The following GMDS variants were observed in gnomAD, a reference collection of about 807,000 sequenced individuals.
The protein encoded by GMDS is GDP-mannose 4,6 dehydratase.
GMDS carries 20 observed loss-of-function variants against 49.9 expected under a neutral mutation model. That is an observed-to-expected ratio of 0.40 (90% CI 0.28 to 0.58). The LOEUF is 0.58. GMDS is among the 20% of genes least tolerant of loss of function. The pLI, the probability that GMDS is intolerant of heterozygous loss-of-function variation, is 0.42. For synonymous variants in GMDS, 177 were observed against 178.6 expected (o/e 0.99, Z 0.07); for missense variants, 362 against 481.4 (o/e 0.75, Z 2.32).
chr6:1,684,028 A>C (rs1764887173), intron 9 of GMDS, among the ~76,000 whole-genome samples: 1 of 66,930 alleles, frequency 1.5e-5, no homozygotes, highest in Non-Finnish European at 3.7e-5. Flanking sequence ...GGAGGCCTGG[A>C]TCCGCCCTCT....
intron 9 of GMDS, among the ~76,000 whole-genome samples, chr6:1,694,607 G>A (rs138056643): frequency 9.7e-4 from 148 of 152,244 alleles, no homozygotes; most frequent in Non-Finnish European, 1.7e-3. Context: ...ATACACACAC[G>A]TCTGCACACA....
intron 9 of GMDS, among the ~76,000 whole-genome samples, chr6:1,633,116 T>C (rs1763045042): frequency 6.6e-6 from 1 of 152,228 alleles, no homozygotes; most frequent in Non-Finnish European, 1.5e-5. Flanking sequence ...ATTGAGGCTA[T>C]TATTTATCAC....
At chr6:1,672,729 C>T (rs1203362868) in intron 9 of GMDS, among the ~76,000 whole-genome samples, 4 of 152,162 alleles carry the variant, frequency 2.6e-5, no homozygotes, top group Admixed American at 1.3e-4. Context: ...AATAGGTTTG[C>T]CAGAGAATCT....
At chr6:1,631,438 T>C (rs1762997068) in intron 9 of GMDS, among the ~76,000 whole-genome samples, 1 of 152,148 alleles carries the variant, frequency 6.6e-6, no homozygotes, top group African/African-American at 2.4e-5. Context: ...AAGGTAATTT[T>C]CCTTAAGCTT....
Position 2,151,483 on chromosome 6 carries a change from A to G in GMDS, c.103-26752T>C, listed in dbSNP as rs368008636. Among the ~76,000 whole-genome samples, 4 of 152,238 alleles carry G rather than the reference A, an allele frequency of 2.6e-5. No homozygotes were observed. In the East Asian group the frequency reaches 5.8e-4, roughly 22 times the overall value. Reference sequence around the variant, plus strand: ...AATATAGCCATTTGCTAGCTATGTAATCTGGTACAAGTAAGCTATATGTCT... The same window carrying G: ...AATATAGCCATTTGCTAGCTATGTAGTCTGGTACAAGTAAGCTATATGTCT... On this transcript the variant is annotated intron_variant, in intron 1 of 10. Transcript: ENST00000380815.
chr6:2,235,092 T>C (rs1472832087), intron 1 of GMDS, among the ~76,000 whole-genome samples: 2 of 151,918 alleles, frequency 1.3e-5, no homozygotes, highest in African/African-American at 2.4e-5. Context: ...GCCATTGCAC[T>C]CCAGCCTGGG....
intron 9 of GMDS, among the ~76,000 whole-genome samples, chr6:1,636,879 T>G (rs1350226921): frequency 6.6e-6 from 1 of 152,234 alleles, no homozygotes. Flanking sequence ...CCTGGCCCTG[T>G]AGCACAAGCT....
rs570700980 is a variant in GMDS, at chr6:1,719,542, T to C, written c.987+6874A>G. 2.6e-5 allele frequency among the ~76,000 whole-genome samples: 4 copies of C among 151,710 alleles called. No individual in the cohort carries two copies. In the East Asian group the frequency reaches 7.8e-4, roughly 29 times the overall value. On this transcript the variant is annotated intron_variant, in intron 9 of 10. Transcript: ENST00000380815. ...GGCAGTATTATCTGTGAAATCTCCA[T>C]GAACACAGATTTTTGGATTGCTGTT...
At chr6:2,166,071 C>A (rs1377131807) in intron 1 of GMDS, among the ~76,000 whole-genome samples, 2 of 152,144 alleles carry the variant, frequency 1.3e-5, no homozygotes, top group Non-Finnish European at 2.9e-5. Context: ...GGCGACCCAA[C>A]AAGCAAAGCA....
At chr6:1,854,740 C>G (rs567865258) in intron 7 of GMDS, among the ~76,000 whole-genome samples, 1 of 152,276 alleles carries the variant, frequency 6.6e-6, no homozygotes, top group Admixed American at 6.5e-5. Flanking sequence ...AGCCTTATCT[C>G]CAATGTCTTG....
chr6:1,709,731 C>T (rs62388327), intron 9 of GMDS, among the ~76,000 whole-genome samples: 39,862 of 152,014 alleles, frequency 0.26, 6,101 homozygotes, highest in African/African-American at 0.43. Context: ...CATGAGAGTA[C>T]GTGCAAAAAG....
chr6:2,033,231 A>G (rs1334349486), intron 4 of GMDS, among the ~76,000 whole-genome samples: 2 of 152,238 alleles, frequency 1.3e-5, no homozygotes, highest in African/African-American at 4.8e-5. Context: ...TAACCAATGC[A>G]TAATAATTGC....
At chr6:2,152,974 G>C (rs1776913594) in intron 1 of GMDS, among the ~76,000 whole-genome samples, 1 of 152,110 alleles carries the variant, frequency 6.6e-6, no homozygotes, top group Non-Finnish European at 1.5e-5. Flanking sequence ...CAGCTACTTG[G>C]GAAGCTGAGG....
chr6:1,781,467 G>A (rs749661468), intron 7 of GMDS, among the ~76,000 whole-genome samples: 39 of 152,170 alleles, frequency 2.6e-4, no homozygotes, highest in Non-Finnish European at 4.6e-4. Flanking sequence ...TGACTCTGCC[G>A]AGCCTTCTGC....
chr6:2,067,265 G>T (rs1019978324), intron 4 of GMDS, among the ~76,000 whole-genome samples: 10 of 152,160 alleles, frequency 6.6e-5, no homozygotes, highest in African/African-American at 2.4e-4. Flanking sequence ...ATGCAAAGCA[G>T]TATGTAGAGG....
intron 4 of GMDS, among the ~76,000 whole-genome samples, chr6:2,039,070 G>A (rs7771523): frequency 0.42 from 64,186 of 151,978 alleles, 13,669 homozygotes; most frequent in Middle Eastern, 0.48. Context: ...TAGGCTGTAT[G>A]GTAGAGCCTA....
chr6:2,202,529 T>G (rs1357111182), intron 1 of GMDS, among the ~76,000 whole-genome samples: 1 of 151,892 alleles, frequency 6.6e-6, no homozygotes, highest in Non-Finnish European at 1.5e-5. Flanking sequence ...ACCTCTTAAT[T>G]CTCTCCGTGC....
intron 4 of GMDS, among the ~76,000 whole-genome samples, chr6:2,076,500 A>C (rs1772348224): frequency 1.3e-5 from 2 of 152,218 alleles, no homozygotes; most frequent in African/African-American, 4.8e-5. Context: ...ACGCTACCTG[A>C]CTTCAAACTG....
At chr6:2,093,472 A>G (rs974907931) in intron 4 of GMDS, among the ~76,000 whole-genome samples, 1 of 152,196 alleles carries the variant, frequency 6.6e-6, no homozygotes, top group Non-Finnish European at 1.5e-5. Context: ...AAAACTAGTA[A>G]TAGTTGTTAA....
Sources: gnomAD v4.1 joint callset for allele counts (sites outside exome capture counted in the v4.1 genomes callset) on GRCh38, gnomAD v4.1.1 for gene constraint, MANE v1.5 for transcripts, NCBI Gene and HGNC (gene_info 2026-07-23, HGNC 2026-07-21) for gene names.